The following AGTR1 variants were observed in gnomAD, a reference collection of about 807,000 sequenced individuals.
The protein encoded by AGTR1 is angiotensin II receptor type 1.
In AGTR1, 16 loss-of-function variants were observed where a neutral mutation model predicts 19.4. The ratio of observed to expected loss-of-function variants is 0.82; its 90% CI spans 0.56 to 1.25. The LOEUF (loss-of-function observed/expected upper bound fraction) is 1.25. Ranked by LOEUF, AGTR1 falls within the 50% of genes most tolerant of loss-of-function variation. The pLI is 0.00. For missense variants in AGTR1, 373 were observed against 431.9 expected, an observed-to-expected ratio of 0.86 and a Z score of 1.21; for synonymous variants, 153 against 154.9, an observed-to-expected ratio of 0.99 and a Z score of 0.09.
rs761839083 is a variant in AGTR1, at chr3:148,742,064, T to C, written c.1029T>C (p.Asp343=). ...KMSTLSYRPS[D]NVSSSTKKPA... ...GCACGCTTTCCTACCGCCCCTCAGA[T>C]AATGTAAGCTCATCCACCAAGAAGC... The change falls in exon 3 of 3, where the codon GAT becomes GAC. Residue 343 remains aspartate (D), a synonymous_variant. Coordinates refer to ENST00000349243, the MANE Select transcript of AGTR1 (RefSeq NM_000685.5). 6.2e-7 allele frequency: 1 copy of C among 1,614,132 alleles called. No homozygotes were observed. Among genetic ancestry groups the C allele is most frequent in the Non-Finnish European group, 8.5e-7 (1 of 1,180,014 alleles).
In AGTR1 at chr3:148,742,328, A is replaced by T; in HGVS notation, c.*213A>T. ...AAAGCAAAGCCACATTTTGCATTAG[A>T]CAGATGACGGCTGCTCGAAGAACAA... On this transcript the variant is annotated 3_prime_UTR_variant, in exon 3 of 3. Transcript: ENST00000349243. 1.4e-6 allele frequency: 1 copy of T among 722,310 alleles called. No individual in the cohort carries two copies. Among genetic ancestry groups the T allele is most frequent in the Non-Finnish European group, 2.5e-6 (1 of 400,302 alleles). 44.7% of individuals were successfully genotyped at this position (722,310 alleles called of 1,614,324 possible). A position where few individuals can be genotyped will look rare whatever the true frequency, so the allele number is the denominator to read the frequency against.
At position 148,742,345 on chromosome 3, in the gene AGTR1, G is replaced by A. The variant is rs1466081410; in HGVS notation, c.*230G>A. ...TGCATTAGACAGATGACGGCTGCTC[G>A]AAGAACAATGTCAGAAACTCGATGA... On this transcript the variant is annotated 3_prime_UTR_variant, in exon 3 of 3. Coordinates refer to ENST00000349243, the MANE Select transcript of AGTR1 (RefSeq NM_000685.5). The A allele has an allele frequency of 2.2e-5, 14 of 650,998 alleles. 1 individual carries two copies. The highest frequency in any genetic ancestry group is 6.7e-5 in the South Asian group (4 of 59,328). The allele number at this position is 650,998 out of a possible 1,614,324, so 40.3% of individuals were successfully genotyped here.
At chr3:148,737,410 C>G (rs1714627947) in intron 2 of AGTR1, among the ~76,000 whole-genome samples, 2 of 152,066 alleles carry the variant, frequency 1.3e-5, no homozygotes, top group Admixed American at 1.3e-4. Context: ...TCCCCCAAAC[C>G]CCACACTCCC....
chr3:148,721,942 C>T (rs528816264), intron 2 of AGTR1, among the ~76,000 whole-genome samples: 5 of 152,300 alleles, frequency 3.3e-5, no homozygotes, highest in African/African-American at 9.6e-5. Flanking sequence ...GTTCTTGCCT[C>T]AGGAATGGGA....
At chr3:148,732,033 C>A (rs1490898639) in intron 2 of AGTR1, among the ~76,000 whole-genome samples, 1 of 152,118 alleles carries the variant, frequency 6.6e-6, no homozygotes, top group Non-Finnish European at 1.5e-5. Flanking sequence ...GCAATTAGAC[C>A]ACATTAACTA....
chr3:148,729,367 C>T (rs1447352727), intron 2 of AGTR1, among the ~76,000 whole-genome samples: 2 of 152,198 alleles, frequency 1.3e-5, no homozygotes, highest in Non-Finnish European at 2.9e-5. Flanking sequence ...CACTTCACAA[C>T]CCAGAACGTG....
At position 148,741,325 on chromosome 3, in the gene AGTR1, G is replaced by A; in HGVS notation, c.290G>A (p.Gly97Asp). The A allele has an allele frequency of 1.9e-6, 3 of 1,609,654 alleles. No homozygotes were observed. The highest frequency in any genetic ancestry group is 2.5e-6 in the Non-Finnish European group (3 of 1,179,952). ...YTAMEYRWPF[G>D]NYLCKIASAS... is the part of the protein sequence containing the mutation. Reference sequence around the variant, plus strand: ...GCTATGGAATACCGCTGGCCCTTTGGCAATTACCTATGTAAGATTGCTTCA... The same window carrying A: ...GCTATGGAATACCGCTGGCCCTTTGACAATTACCTATGTAAGATTGCTTCA... The change falls in exon 3 of 3, where the codon GGC becomes GAC. Residue 97 changes from glycine to aspartate, a missense_variant. Transcript: ENST00000349243.
rs55707609 is a variant in AGTR1, at chr3:148,742,450, A to T, written c.*335A>T. 3.2e-4 allele frequency: 130 copies of T among 411,154 alleles called. No individual in the cohort carries two copies. The East Asian group carries it at 3.7e-3, about 12-fold the overall frequency. 25.5% of individuals were successfully genotyped at this position (411,154 alleles called of 1,614,324 possible). On this transcript the variant is annotated 3_prime_UTR_variant, in exon 3 of 3. Coordinates refer to ENST00000349243, the MANE Select transcript of AGTR1 (RefSeq NM_000685.5). ...TTGTCCTGTTATTTTTTATTTCCAC[A>T]TAAAGGTATTTAGAATATATTAAAT...
rs1315505740 is a variant in AGTR1, at chr3:148,740,927, TGTTA to T, written c.-47-58_-47-55del. On this transcript the variant is annotated intron_variant, in intron 2 of 2. Coordinates refer to ENST00000349243, the MANE Select transcript of AGTR1 (RefSeq NM_000685.5). Reference sequence around the variant, plus strand: ...CGTTTATGACTGAGAAATGAATGTTTGTTAGTTTGTTTGTTTACAATAAGAATTT... The same window carrying T: ...CGTTTATGACTGAGAAATGAATGTTTGTTTGTTTGTTTACAATAAGAATTT... 18 of 1,421,128 alleles carry T rather than the reference TGTTA, an allele frequency of 1.3e-5. 1 individual carries two copies. The African/African-American group carries it at 1.4e-4, about 11-fold the overall frequency. 88.0% of individuals were successfully genotyped at this position (1,421,128 alleles called of 1,614,324 possible). A position where few individuals can be genotyped will look rare whatever the true frequency, so the allele number is the denominator to read the frequency against.
At chr3:148,708,743 C>T (rs1274182177) in intron 2 of AGTR1, among the ~76,000 whole-genome samples, 1 of 152,120 alleles carries the variant, frequency 6.6e-6, no homozygotes, top group Admixed American at 6.6e-5. Flanking sequence ...AACAAGAGTC[C>T]GGGATTTACC....
At chr3:148,739,952 A>ATTCGGTGAT in intron 2 of AGTR1, 1 of 1,231,832 alleles carries the variant, frequency 8.1e-7, no homozygotes, top group African/African-American at 1.5e-5. Context: ...GCTGTACCAC[A>ATTCGGTGAT]TTCGGTGATG....
intron 1 of AGTR1, among the ~76,000 whole-genome samples, chr3:148,707,298 G>C (rs1449808111): frequency 6.6e-6 from 1 of 152,060 alleles, no homozygotes; most frequent in Non-Finnish European, 1.5e-5. Flanking sequence ...TTATATGCAT[G>C]TGTATACAAG....
chr3:148,729,971 A>G, intron 2 of AGTR1: 1 of 296,670 alleles, frequency 3.4e-6, no homozygotes, highest in African/African-American at 2.2e-5. Flanking sequence ...ATTTGCTCGC[A>G]GGGAAAAAAA....
rs1190676124 is a variant in AGTR1 at position 148,702,101 on chromosome 3, CTT to C, written c.-132+3975_-132+3976del. Among the ~76,000 whole-genome samples the C allele has an allele frequency of 2.0e-4, 30 of 151,916 alleles. 1 individual carries two copies. The highest frequency in any genetic ancestry group is 7.2e-4 in the African/African-American group (30 of 41,394). ...CAAATGATTTTCCTGCCTCAGCCTC[CTT>C]AGTAGCTGGGATTACAGGTGCATGC... On this transcript the variant is annotated intron_variant, in intron 1 of 2. Coordinates refer to ENST00000349243, the MANE Select transcript of AGTR1 (RefSeq NM_000685.5).
chr3:148,701,977 CTTTTT>C (rs398062907), intron 1 of AGTR1, among the ~76,000 whole-genome samples: 2 of 132,670 alleles, frequency 1.5e-5, no homozygotes. Context: ...GATTGTGTAC[CTTTTT>C]TTTTTTTTTT....
At chr3:148,740,163 G>A (rs1357618014) in intron 2 of AGTR1, among the ~76,000 whole-genome samples, 2 of 152,214 alleles carry the variant, frequency 1.3e-5, no homozygotes, top group Non-Finnish European at 2.9e-5. Flanking sequence ...AAAACCTGCT[G>A]CTTTCTCAAG....
chr3:148,739,558 C>G (rs184935652), intron 2 of AGTR1, among the ~76,000 whole-genome samples: 1 of 152,156 alleles, frequency 6.6e-6, no homozygotes, highest in East Asian at 1.9e-4. Context: ...GGACATGCAA[C>G]CAAAAACTTA....
chr3:148,719,121 T>C (rs890027537), intron 2 of AGTR1, among the ~76,000 whole-genome samples: 2 of 152,328 alleles, frequency 1.3e-5, no homozygotes, highest in African/African-American at 4.8e-5. Flanking sequence ...AGTTGAAAGC[T>C]GGAAGTCTCA....
Position 148,741,650 on chromosome 3 carries a change from G to C in AGTR1, c.615G>C (p.Leu205=), listed in dbSNP as rs200397727. The C allele has an allele frequency of 1.9e-6, 3 of 1,614,076 alleles. No individual in the cohort carries two copies. Among genetic ancestry groups the C allele is most frequent in the East Asian group, 2.2e-5 (1 of 44,886 alleles). The change falls in exon 3 of 3, where the codon CTG becomes CTC. Residue 205 remains leucine (L), a synonymous_variant. Coordinates refer to ENST00000349243, the MANE Select transcript of AGTR1 (RefSeq NM_000685.5). ...LGLTKNILGF[L]FPFLIILTSY... is the part of the protein sequence containing the mutation. ...TGACCAAAAATATACTGGGTTTCCT[G>C]TTTCCTTTTCTGATCATTCTTACAA...
Sources: allele counts gnomAD v4.1 joint callset (sites outside exome capture counted in the v4.1 genomes callset), GRCh38; gene constraint gnomAD v4.1.1; transcripts MANE v1.5; gene names NCBI Gene and HGNC (gene_info 2026-07-23, HGNC 2026-07-21).